RBM20: variants seen among roughly 807,000 people sequenced by gnomAD.
RBM20 encodes RNA-binding protein 20.
Under a neutral mutation model 110.1 loss-of-function variants are expected in RBM20, and 51 were observed. The observed-to-expected ratio is 0.46, with a 90% confidence interval of 0.37 to 0.59. The LOEUF is 0.59. Among genes scored for constraint, RBM20 ranks in the 20% least tolerant of loss-of-function variants. The pLI is 0.00. For missense variants in RBM20, 1,512 were observed against 1,574.9 expected, an observed-to-expected ratio of 0.96 and a Z score of 0.68; for synonymous variants, 589 against 618.2, an observed-to-expected ratio of 0.95 and a Z score of 0.70.
At chr10:110,813,187 A>C in intron 9 of RBM20, among the ~76,000 whole-genome samples, 1 of 152,160 alleles carries the variant, frequency 6.6e-6, no homozygotes, top group East Asian at 1.9e-4. Flanking sequence ...AGGCACAGAG[A>C]ACTTACGTTA....
chr10:110,805,166 C>T (rs1653593340), intron 7 of RBM20, among the ~76,000 whole-genome samples: 3 of 152,162 alleles, frequency 2.0e-5, no homozygotes, highest in African/African-American at 7.2e-5. Context: ...TGCAAAATTA[C>T]ACAAGATTTA....
At chr10:110,650,196 T>C (rs568290667) in intron 1 of RBM20, among the ~76,000 whole-genome samples, 1 of 152,350 alleles carries the variant, frequency 6.6e-6, no homozygotes, top group East Asian at 1.9e-4. Context: ...GTTTTGGATA[T>C]GTTGCATATA....
intron 1 of RBM20, among the ~76,000 whole-genome samples, chr10:110,735,394 TACTTA>T (rs925098506): frequency 6.6e-6 from 1 of 152,202 alleles, no homozygotes; most frequent in Non-Finnish European, 1.5e-5. Flanking sequence ...CTAGCCACCA[TACTTA>T]ACTTCGTTTT....
intron 11 of RBM20, 29 bp from the exon 12 acceptor site, chr10:110,823,451 T>TGCG: frequency 9.5e-7 from 1 of 1,047,922 alleles, no homozygotes; most frequent in Non-Finnish European, 1.2e-6. Flanking sequence ...TTTTTTTTTT[T>TGCG]TTTTTTTGCC....
In RBM20 at chr10:110,783,415, T is replaced by C. The variant is rs1395985345; in HGVS notation, c.1325T>C (p.Val442Ala). The change falls in exon 3 of 14, where the codon GTC becomes GCC. Residue 442 changes from valine (V) to alanine (A), a missense_variant. Val to Ala is a moderately conservative substitution (Grantham distance 64). Around this residue, in one of 3 missense-constraint regions of RBM20, gnomAD observed 1,149 missense variants for 1,169.4 expected, o/e 0.98. Transcript: ENST00000369519. ...KGKLHAQKCL[V>A]FSENAGIRCI... ...AAGCTGCACGCTCAGAAATGCCTGG[T>C]CTTCTCTGAAAAGTAAGTGCTGTTC... 1 of 1,550,946 alleles carries C rather than the reference T, an allele frequency of 6.4e-7. No homozygotes were observed. The highest frequency in any genetic ancestry group is 8.7e-7 in the Non-Finnish European group (1 of 1,146,474).
rs758282132 is a variant in RBM20 at position 110,836,731 on chromosome 10, T to C, written c.*753T>C. 2 of 152,254 alleles carry C rather than the reference T, an allele frequency of 1.3e-5. No individual in the cohort carries two copies. Among genetic ancestry groups the C allele is most frequent in the Non-Finnish European group, 2.9e-5 (2 of 68,042 alleles). The allele number at this position is 152,254 out of a possible 1,614,324, so 9.4% of individuals were successfully genotyped here. A position where few individuals can be genotyped will look rare whatever the true frequency, so the allele number is the denominator to read the frequency against. The stretch of plus-strand genomic sequence containing the variant: ...CCTTCATTTTGGAAGCTCTGATAAG[T>C]TTCCTCCAAACTTATTCCCCTCCTC... On this transcript the variant is annotated 3_prime_UTR_variant, in exon 14 of 14. Transcript: ENST00000369519.
upstream of RBM20, chr10:110,644,262 G>C: frequency 5.5e-6 from 2 of 366,052 alleles, no homozygotes; most frequent in Non-Finnish European, 4.8e-6. The surrounding 1 kb of genome is among the most constrained non-coding windows in gnomAD (Gnocchi z 4.3). Context: ...GTGGCCGGCC[G>C]GGACGAGCTG....
intron 1 of RBM20, among the ~76,000 whole-genome samples, chr10:110,752,296 A>T (rs944926288): frequency 6.6e-6 from 1 of 152,256 alleles, no homozygotes; most frequent in Non-Finnish European, 1.5e-5. Context: ...ATCATACAGT[A>T]TATGGCCTTT....
Position 110,838,844 on chromosome 10 carries a change from C to A in RBM20, c.*2866C>A, listed in dbSNP as rs12260847. The A allele has an allele frequency of 1.3e-5, 2 of 152,138 alleles. No individual in the cohort carries two copies. Among genetic ancestry groups the A allele is most frequent in the Non-Finnish European group, 2.9e-5 (2 of 68,046 alleles). The allele number at this position is 152,138 out of a possible 1,614,324, so 9.4% of individuals were successfully genotyped here. On this transcript the variant is annotated 3_prime_UTR_variant, in exon 14 of 14. Coordinates refer to ENST00000369519, the MANE Select transcript of RBM20 (RefSeq NM_001134363.3). ...AAGAGTCTATACTTGTGTGTACATA[C>A]GTATTTATTTTTATTTATTTTTATA...
At position 110,674,419 on chromosome 10, in the gene RBM20, T is replaced by C. The variant is rs138197158; in HGVS notation, c.191+29774T>C. Among the ~76,000 whole-genome samples the C allele has an allele frequency of 4.8e-3, 731 of 152,336 alleles. 10 individuals are homozygous for C. The highest frequency in any genetic ancestry group is 0.017 in the African/African-American group (692 of 41,572). ...AGAGCAGGATTCCAGTGTCCTGAAG[T>C]TTAAACACATTCTGAGCATCCTCTG... On this transcript the variant is annotated intron_variant, in intron 1 of 13. Transcript: ENST00000369519.
intron 1 of RBM20, among the ~76,000 whole-genome samples, chr10:110,769,877 C>A (rs10885042): frequency 0.43 from 64,785 of 151,616 alleles, 14,049 homozygotes; most frequent in East Asian, 0.51. Context: ...CGCCACCATG[C>A]CTGGCCAATC....
At chr10:110,688,258 T>G (rs1862534754) in intron 1 of RBM20, among the ~76,000 whole-genome samples, 4 of 152,160 alleles carry the variant, frequency 2.6e-5, no homozygotes, top group African/African-American at 9.7e-5. Flanking sequence ...AAAATCTGAC[T>G]TGATAGGATG....
At chr10:110,749,799 TA>T (rs962816065) in intron 1 of RBM20, among the ~76,000 whole-genome samples, 1 of 151,860 alleles carries the variant, frequency 6.6e-6, no homozygotes, top group African/African-American at 2.4e-5. Flanking sequence ...TAGCTTTCTA[TA>T]AAAAAAGATA....
chr10:110,691,858 T>C (rs1454025586), intron 1 of RBM20, among the ~76,000 whole-genome samples: 2 of 152,224 alleles, frequency 1.3e-5, no homozygotes, highest in African/African-American at 4.8e-5. Flanking sequence ...AAATCCAATG[T>C]TACGAAGCAT....
At chr10:110,818,434 G>T (rs1418782003) in intron 9 of RBM20, among the ~76,000 whole-genome samples, 1 of 152,114 alleles carries the variant, frequency 6.6e-6, no homozygotes, top group Non-Finnish European at 1.5e-5. Context: ...TTTCGAAGTG[G>T]TTCGGTAGCC....
chr10:110,703,378 CAAAA>C (rs1022014069), intron 1 of RBM20, among the ~76,000 whole-genome samples: 1 of 113,062 alleles, frequency 8.8e-6, no homozygotes, highest in African/African-American at 3.3e-5. Flanking sequence ...AACTCTGTCT[CAAAA>C]AAAAAAAAGA....
In RBM20 at chr10:110,781,542, G is replaced by C. The variant is rs761015603; in HGVS notation, c.933G>C (p.Leu311=). The change falls in exon 2 of 14, where the codon CTG becomes CTC. Residue 311 remains leucine (L), a synonymous_variant. Transcript: ENST00000369519. ...GCCTGAAAAGTGAGGTCGGGCCACT[G>C]CTGCAGGGCACAAACAGCCAATGGG... ...AGGLKSEVGP[L]LQGTNSQWES... 40 of 1,551,536 alleles carry C rather than the reference G, an allele frequency of 2.6e-5. No homozygotes were observed. Among genetic ancestry groups the C allele is most frequent in the Non-Finnish European group, 3.5e-5 (40 of 1,147,004 alleles).
At chr10:110,644,068 G>C (rs1458009181), upstream of RBM20, among the ~76,000 whole-genome samples, 1 of 152,186 alleles carries the variant, frequency 6.6e-6, no homozygotes, top group Admixed American at 6.5e-5. The surrounding 1 kb of genome is among the most constrained non-coding windows in gnomAD (Gnocchi z 4.3). Flanking sequence ...ATGCTGCGCC[G>C]TGGAACGCTG....
chr10:110,785,553 C>G (rs187444788), intron 5 of RBM20, among the ~76,000 whole-genome samples: 5 of 152,168 alleles, frequency 3.3e-5, no homozygotes, highest in Non-Finnish European at 7.3e-5. Context: ...GGGACTCTGT[C>G]TCAAAACAAA....
Sources: allele counts gnomAD v4.1 joint callset (sites outside exome capture counted in the v4.1 genomes callset), GRCh38; gene constraint gnomAD v4.1.1; regional missense constraint gnomAD v4.1.1; non-coding constraint Gnocchi (gnomAD v3.1); transcripts MANE v1.5; gene names NCBI Gene and HGNC (gene_info 2026-07-23, HGNC 2026-07-21).